Variants in ROR2 observed in about 807,000 individuals in gnomAD.
ROR2 encodes the protein ROR family WNT receptor 2, also known as tyrosine-protein kinase transmembrane receptor ROR2.
In ROR2, 33 loss-of-function variants were observed where a neutral mutation model predicts 74.9. The observed-to-expected ratio is 0.44, with a 90% CI of 0.33 to 0.59. The LOEUF is 0.59. Ranked by LOEUF, ROR2 falls within the 20% of genes least tolerant of loss-of-function variation. The pLI, the probability that ROR2 is intolerant of heterozygous loss-of-function variation, is 0.02. For missense variants in ROR2, 1,216 were observed against 1,313.8 expected, an observed-to-expected ratio of 0.93 and a Z score of 1.15; for synonymous variants, 586 against 558.7, an observed-to-expected ratio of 1.05 and a Z score of -0.69.
chr9:91,841,749 C>T (rs1828788817), intron 1 of ROR2, among the ~76,000 whole-genome samples: 1 of 152,184 alleles, frequency 6.6e-6, no homozygotes. Flanking sequence ...CTTCAGTGCC[C>T]TCGGATGCCA....
At chr9:91,880,660 A>G (rs1830083462) in intron 1 of ROR2, among the ~76,000 whole-genome samples, 1 of 152,270 alleles carries the variant, frequency 6.6e-6, no homozygotes, top group Non-Finnish European at 1.5e-5. Flanking sequence ...ATTCAAAAAC[A>G]GCACTGAAAA....
chr9:91,887,187 A>C (rs1448781804), intron 1 of ROR2: 1 of 152,216 alleles, frequency 6.6e-6, no homozygotes, highest in African/African-American at 2.4e-5. Flanking sequence ...ATTATTTGAA[A>C]GTTGCCATCG....
intron 1 of ROR2, among the ~76,000 whole-genome samples, chr9:91,784,344 C>G (rs766070440): frequency 3.9e-5 from 6 of 152,216 alleles, no homozygotes; most frequent in Non-Finnish European, 5.9e-5. Context: ...CCCTGGCCCC[C>G]ACCTGCTCTC....
chr9:91,727,095 A>G (rs1389685849), intron 7 of ROR2, among the ~76,000 whole-genome samples: 5 of 152,174 alleles, frequency 3.3e-5, no homozygotes, highest in Non-Finnish European at 7.3e-5. Context: ...GCCCAATTTC[A>G]CTTTTATCAA....
intron 4 of ROR2, among the ~76,000 whole-genome samples, chr9:91,738,857 G>A (rs977908497): frequency 6.6e-6 from 1 of 152,198 alleles, no homozygotes; most frequent in African/African-American, 2.4e-5. Flanking sequence ...GGAAGATGGG[G>A]TAATCCTTTC....
chr9:91,911,710 G>T (rs1291409505), intron 1 of ROR2, among the ~76,000 whole-genome samples: 2 of 152,004 alleles, frequency 1.3e-5, no homozygotes, highest in African/African-American at 2.4e-5. Context: ...AACATGATGA[G>T]AAACAGTATA....
intron 2 of ROR2, among the ~76,000 whole-genome samples, chr9:91,769,462 C>G (rs370369139): frequency 6.6e-6 from 1 of 152,160 alleles, no homozygotes; most frequent in Admixed American, 6.5e-5. Flanking sequence ...TCCCTGAGCA[C>G]GCAGGGCATG....
intron 1 of ROR2, among the ~76,000 whole-genome samples, chr9:91,884,454 C>T (rs1385892241): frequency 1.4e-5 from 2 of 147,930 alleles, no homozygotes; most frequent in African/African-American, 5.1e-5. Flanking sequence ...TACTTACTCT[C>T]CACTTACCTT....
At chr9:91,909,850 T>TTTTTTTTTA (rs1830922130) in intron 1 of ROR2, among the ~76,000 whole-genome samples, 1 of 107,202 alleles carries the variant, frequency 9.3e-6, no homozygotes, top group African/African-American at 4.3e-5. Flanking sequence ...TTGTTTTGTT[T>TTTTTTTTTA]TTTTTTTTTT....
intron 1 of ROR2, among the ~76,000 whole-genome samples, chr9:91,922,354 C>T (rs1225062128): frequency 6.6e-6 from 1 of 152,158 alleles, no homozygotes; most frequent in Non-Finnish European, 1.5e-5. Flanking sequence ...AAATCAACAG[C>T]GTCTTCTCTG....
chr9:91,748,754 C>T (rs1241599158), intron 4 of ROR2, among the ~76,000 whole-genome samples: 3 of 152,220 alleles, frequency 2.0e-5, no homozygotes, highest in South Asian at 2.1e-4. Flanking sequence ...GCACAGAGGC[C>T]GGGCCTGGTG....
At chr9:91,734,804 G>A (rs553139822) in intron 5 of ROR2, among the ~76,000 whole-genome samples, 9 of 152,320 alleles carry the variant, frequency 5.9e-5, no homozygotes, top group South Asian at 4.1e-4. Flanking sequence ...GTCAGTGGGC[G>A]GGAGCAGCCA....
chr9:91,948,004 A>C (rs1832058505), intron 1 of ROR2, among the ~76,000 whole-genome samples: 1 of 152,230 alleles, frequency 6.6e-6, no homozygotes, highest in Non-Finnish European at 1.5e-5. Flanking sequence ...TTTCACTAGA[A>C]AAAGAACAGG....
intron 1 of ROR2, among the ~76,000 whole-genome samples, chr9:91,812,908 A>T (rs200947429): frequency 6.6e-6 from 1 of 152,170 alleles, no homozygotes; most frequent in Non-Finnish European, 1.5e-5. Context: ...CCTGGAGCCA[A>T]TGTTTGTGGT....
At chr9:91,743,920 G>T (rs539368533) in intron 4 of ROR2, among the ~76,000 whole-genome samples, 1 of 152,190 alleles carries the variant, frequency 6.6e-6, no homozygotes, top group African/African-American at 2.4e-5. Context: ...AATGTTCATG[G>T]CTTTATTTAT....
Position 91,858,424 on chromosome 9 carries a change from C to T in ROR2, c.98-82606G>A, listed in dbSNP as rs149129002. ...ACATTCACACAGGCACACACAGGCG[C>T]GCACAGGGCACACACCCCACAGAGC... is the stretch of plus-strand genomic sequence containing the variant. On this transcript the variant is annotated intron_variant, in intron 1 of 8. Transcript: ENST00000375708. Among the ~76,000 whole-genome samples, 27 of 152,208 alleles carry T rather than the reference C, an allele frequency of 1.8e-4. No homozygotes were observed. In the East Asian group the frequency reaches 4.1e-3, roughly 23 times the overall value.
chr9:91,849,377 G>A lies in ROR2; in HGVS notation c.98-73559C>T, dbSNP rs142923581. On this transcript the variant is annotated intron_variant, in intron 1 of 8. Transcript: ENST00000375708. Reference sequence around the variant, plus strand: ...GGAAAATATCTTGACTGGCGAAAACGCAATCTCTTCACTTTCAAAGATGTG... The same window carrying A: ...GGAAAATATCTTGACTGGCGAAAACACAATCTCTTCACTTTCAAAGATGTG... 2.6e-3 allele frequency among the ~76,000 whole-genome samples: 401 copies of A among 152,258 alleles called. 1 individual carries two copies. Among genetic ancestry groups the A allele is most frequent in the African/African-American group, 9.0e-3 (374 of 41,544 alleles).
At chr9:91,744,098 A>G (rs1825329882) in intron 4 of ROR2, among the ~76,000 whole-genome samples, 1 of 152,096 alleles carries the variant, frequency 6.6e-6, no homozygotes, top group Non-Finnish European at 1.5e-5. Context: ...TCCAAACAAA[A>G]TGTCAACAGC....
intron 1 of ROR2, among the ~76,000 whole-genome samples, chr9:91,842,332 C>G (rs991345130): frequency 6.6e-6 from 1 of 152,216 alleles, no homozygotes; most frequent in East Asian, 1.9e-4. Context: ...GAACAGCCAA[C>G]ACATGTATGC....
Sources: allele counts gnomAD v4.1 joint callset (sites outside exome capture counted in the v4.1 genomes callset), GRCh38; gene constraint gnomAD v4.1.1; transcripts MANE v1.5; gene names NCBI Gene and HGNC (gene_info 2026-07-23, HGNC 2026-07-21).